NCKAP5: variants seen among roughly 807,000 people sequenced by gnomAD.
NCKAP5 encodes nck-associated protein 5.
A neutral mutation model predicts 167.0 loss-of-function variants in NCKAP5; 92 were observed. The observed-to-expected ratio is 0.55, with a 90% CI of 0.47 to 0.66. The LOEUF is 0.66. NCKAP5 is among the 30% of genes least tolerant of loss of function. The probability of loss-of-function intolerance (pLI) is 0.00; values close to 1 mark genes in which losing one functional copy is unlikely to be tolerated. For synonymous variants in NCKAP5, 891 were observed against 877.4 expected, an observed-to-expected ratio of 1.02 and a Z score of -0.27; for missense variants, 2,378 against 2,315.0, an observed-to-expected ratio of 1.03 and a Z score of -0.56.
At chr2:133,236,070 C>CA (rs527705526) in intron 4 of NCKAP5, among the ~76,000 whole-genome samples, 461 of 15,654 alleles carry the variant, frequency 0.029, 102 homozygotes, top group East Asian at 0.059. Flanking sequence ...TGTCTCAGAC[C>CA]AAAAAAAAAA....
At position 132,796,553 on chromosome 2, in the gene NCKAP5, C is replaced by T. The variant is rs576655600; in HGVS notation, c.909+75G>A. ...TGCTTCAAGGATGCACTTTATGGTT[C>T]GCTTGTGACATCATATTTGATGGAA... On this transcript the variant is annotated intron_variant, in intron 12 of 19. Transcript: ENST00000409261. 26 of 985,248 alleles carry T rather than the reference C, an allele frequency of 2.6e-5. No individual in the cohort carries two copies. The East Asian group carries it at 3.3e-4, about 13-fold the overall frequency. 61.0% of individuals were successfully genotyped at this position (985,248 alleles called of 1,614,324 possible). A position where few individuals can be genotyped will look rare whatever the true frequency, so the allele number is the denominator to read the frequency against.
At chr2:133,409,811 C>A (rs1008147862) in intron 3 of NCKAP5, among the ~76,000 whole-genome samples, 3 of 152,192 alleles carry the variant, frequency 2.0e-5, no homozygotes, top group African/African-American at 4.8e-5. Context: ...GACTCTATAA[C>A]AAATGCATTT....
At chr2:133,611,472 A>G in the NCKAP5 span, among the ~76,000 whole-genome samples, 1 of 152,162 alleles carries the variant, frequency 6.6e-6, no homozygotes, top group African/African-American at 2.4e-5. Flanking sequence ...GAGCCTCTCA[A>G]TTTCCCAAGA....
chr2:133,006,598 TCA>T (rs1238443513), intron 6 of NCKAP5, among the ~76,000 whole-genome samples: 1 of 148,194 alleles, frequency 6.7e-6, no homozygotes, highest in Non-Finnish European at 1.5e-5. Context: ...TTTCTACATC[TCA>T]CACAGTTTTT....
chr2:133,233,397 G>C (rs1438334584), intron 4 of NCKAP5, among the ~76,000 whole-genome samples: 1 of 152,098 alleles, frequency 6.6e-6, no homozygotes, highest in African/African-American at 2.4e-5. Flanking sequence ...ACACTGGCCA[G>C]TATCCCTATA....
intron 11 of NCKAP5, among the ~76,000 whole-genome samples, chr2:132,805,580 C>T (rs956247983): frequency 6.6e-6 from 1 of 150,562 alleles, no homozygotes; most frequent in Non-Finnish European, 1.5e-5. Context: ...ATTTCATTTG[C>T]TTTTTAGATC....
intron 3 of NCKAP5, among the ~76,000 whole-genome samples, chr2:133,398,139 G>A (rs1687872731): frequency 6.6e-6 from 1 of 152,044 alleles, no homozygotes; most frequent in Non-Finnish European, 1.5e-5. Context: ...TCAGAGACCT[G>A]ATCCTCAGGG....
At chr2:133,133,280 C>G (rs150118273) in intron 5 of NCKAP5, among the ~76,000 whole-genome samples, 11 of 152,330 alleles carry the variant, frequency 7.2e-5, no homozygotes, top group African/African-American at 2.4e-4. Flanking sequence ...AGCAACAGCT[C>G]TCTTTCTGCA....
intron 3 of NCKAP5, among the ~76,000 whole-genome samples, chr2:133,379,652 A>G (rs1247036468): frequency 6.6e-6 from 1 of 152,176 alleles, no homozygotes; most frequent in African/African-American, 2.4e-5. Flanking sequence ...AGTTCCTGGT[A>G]CAGACAGGTG....
chr2:133,330,766 T>G (rs1682801446), intron 3 of NCKAP5, among the ~76,000 whole-genome samples: 1 of 152,084 alleles, frequency 6.6e-6, no homozygotes, highest in Non-Finnish European at 1.5e-5. Flanking sequence ...TGTGGTCGTG[T>G]GCACCTGTAC....
At chr2:132,828,541 C>G (rs1687291956) in intron 11 of NCKAP5, among the ~76,000 whole-genome samples, 1 of 152,164 alleles carries the variant, frequency 6.6e-6, no homozygotes, top group Non-Finnish European at 1.5e-5. Flanking sequence ...GAAACAGATG[C>G]CACTATACTT....
chr2:133,347,293 C>T (rs145860547), intron 3 of NCKAP5, among the ~76,000 whole-genome samples: 1,952 of 152,184 alleles, frequency 0.013, 47 homozygotes, highest in African/African-American at 0.043. Flanking sequence ...GTGGCTCACA[C>T]CTGTAATCCC....
chr2:133,383,539 C>G (rs1686690150), intron 3 of NCKAP5, among the ~76,000 whole-genome samples: 1 of 152,204 alleles, frequency 6.6e-6, no homozygotes, highest in African/African-American at 2.4e-5. Context: ...GTGCATGTGT[C>G]TTTCTAGCAG....
At chr2:132,960,275 A>T (rs1320027073) in intron 8 of NCKAP5, among the ~76,000 whole-genome samples, 2 of 152,226 alleles carry the variant, frequency 1.3e-5, no homozygotes, top group Non-Finnish European at 2.9e-5. Context: ...ATGACATGGC[A>T]TGCAGAGACC....
Position 132,825,563 on chromosome 2 carries a change from A to C in NCKAP5, c.808-28834T>G, listed in dbSNP as rs1687069023. Among the ~76,000 whole-genome samples, 3 of 152,238 alleles carry C rather than the reference A, an allele frequency of 2.0e-5. 1 individual carries two copies. The South Asian group carries it at 6.2e-4, about 32-fold the overall frequency. ...ACAGGACTTTTCCATAAGGACTGAA[A>C]GCTACCAATATCAAGCCATTTTAAC... On this transcript the variant is annotated intron_variant, in intron 11 of 19. Transcript: ENST00000409261.
chr2:133,635,770 T>C, the NCKAP5 span, among the ~76,000 whole-genome samples: 1 of 152,174 alleles, frequency 6.6e-6, no homozygotes, highest in Admixed American at 6.6e-5. Context: ...TAAAAACTTA[T>C]GATAGAGAGA....
At chr2:132,880,339 G>A (rs893244978) in intron 8 of NCKAP5, among the ~76,000 whole-genome samples, 1 of 152,140 alleles carries the variant, frequency 6.6e-6, no homozygotes, top group African/African-American at 2.4e-5. Context: ...CTAACACATA[G>A]AAATGATAGG....
intron 19 of NCKAP5, among the ~76,000 whole-genome samples, chr2:132,704,306 C>G (rs1688150355): frequency 6.6e-6 from 1 of 152,180 alleles, no homozygotes; most frequent in African/African-American, 2.4e-5. Flanking sequence ...GACTGCCAGA[C>G]TGCCACCTGC....
At chr2:133,666,724 G>T in the NCKAP5 span, among the ~76,000 whole-genome samples, 1 of 151,686 alleles carries the variant, frequency 6.6e-6, no homozygotes, top group Non-Finnish European at 1.5e-5. Flanking sequence ...GATGATAATG[G>T]AATCGATTTA....
Sources: allele counts gnomAD v4.1 joint callset (sites outside exome capture counted in the v4.1 genomes callset), GRCh38; gene constraint gnomAD v4.1.1; transcripts MANE v1.5; gene names NCBI Gene and HGNC (gene_info 2026-07-23, HGNC 2026-07-21).